Variants in FMN2 observed in about 807,000 individuals in gnomAD.
FMN2 encodes formin 2.
A neutral mutation model predicts 142.3 loss-of-function variants in FMN2; 51 were observed. The ratio of observed to expected loss-of-function variants is 0.36; its 90% CI spans 0.29 to 0.45. FMN2 has a LOEUF of 0.45. FMN2 is among the 20% of genes least tolerant of loss of function. The pLI is 1.00. For synonymous variants in FMN2, 882 were observed against 869.8 expected, an observed-to-expected ratio of 1.01 and a Z score of -0.25; for missense variants, 1,936 against 2,122.8, an observed-to-expected ratio of 0.91 and a Z score of 1.73.
intron 14 of FMN2, among the ~76,000 whole-genome samples, chr1:240,372,857 A>C (rs1233316975): frequency 3.3e-5 from 5 of 152,108 alleles, no homozygotes; most frequent in Admixed American, 6.5e-5. Flanking sequence ...ACATTTAAAA[A>C]CTACGTACAT....
chr1:240,439,270 CAA>C (rs58234038), intron 16 of FMN2, among the ~76,000 whole-genome samples: 2 of 101,248 alleles, frequency 2.0e-5, no homozygotes, highest in African/African-American at 4.5e-5. Context: ...AAGGCTGTCT[CAA>C]AAAAAAAAAA....
rs11417639 is a variant in FMN2, at chr1:240,416,262, C to CTTTTTTT, written c.4911-21789_4911-21783dup. ...CTTGCCTGTACATTCCCTTTCCACT[C>CTTTTTTT]TTTTTTTTTTTTTTTTGAGACGGAG... On this transcript the variant is annotated intron_variant, in intron 15 of 17. Transcript: ENST00000319653. Among the ~76,000 whole-genome samples, 4 of 135,146 alleles carry CTTTTTTT rather than the reference C, an allele frequency of 3.0e-5. 1 individual carries two copies. The highest frequency in any genetic ancestry group is 2.3e-4 in the South Asian group (1 of 4,378). The allele number at this position is 135,146 out of a possible 152,430, so 88.7% of individuals were successfully genotyped here.
At position 240,328,147 on chromosome 1, in the gene FMN2, C is replaced by CAAA. The variant is rs780595882; in HGVS notation, c.4216-906_4216-904dup. On this transcript the variant is annotated intron_variant, in intron 8 of 17. Coordinates refer to ENST00000319653, the MANE Select transcript of FMN2 (RefSeq NM_020066.5). ...TGGGTGACGGAGCAAGACCCCATCT[C>CAAA]AAAAAAAAAAAAAAAAAAAAAAAAA... Among the ~76,000 whole-genome samples, 260 of 51,366 alleles carry CAAA rather than the reference C, an allele frequency of 5.1e-3. 8 individuals carry two copies. The highest frequency in any genetic ancestry group is 0.013 in the African/African-American group (168 of 13,300). The allele number at this position is 51,366 out of a possible 152,430, so 33.7% of individuals were successfully genotyped here.
chr1:240,245,816 CAGGGCAT>C (rs757699386), intron 6 of FMN2, among the ~76,000 whole-genome samples: 5 of 152,194 alleles, frequency 3.3e-5, no homozygotes, highest in Non-Finnish European at 7.3e-5. Context: ...GCTTCACCCT[CAGGGCAT>C]AGTATAACTG....
chr1:240,105,090 GTTTATGCTTCTTTTTTTTTT>G (rs1661554195), intron 1 of FMN2, among the ~76,000 whole-genome samples: 1 of 134,860 alleles, frequency 7.4e-6, no homozygotes, highest in African/African-American at 2.7e-5. Context: ...TGCTTTCCTA[GTTTATGCTTCTTTTTTTTTT>G]TTTTTTTTTT....
At position 240,334,160 on chromosome 1, in the gene FMN2, T is replaced by A; in HGVS notation, c.4696T>A (p.Phe1566Ile). 6.2e-7 allele frequency: 1 copy of A among 1,609,670 alleles called. No homozygotes were observed. The change falls in exon 13 of 18, where the codon TTT becomes ATT. Residue 1566 changes from phenylalanine (F) to isoleucine (I), a missense_variant. Physicochemically the swap from Phe to Ile is conservative, Grantham distance 21. Coordinates refer to ENST00000319653, the MANE Select transcript of FMN2 (RefSeq NM_020066.5). ...TCCACTGCCAGAACCCCAGGACCTT[T>A]TTCAGGCCTCACAGATGAAGTTTGA... Reference protein sequence around the residue: ...LFPLPEPQDLFQASQMKFEDF... With the variant: ...LFPLPEPQDLIQASQMKFEDF...
At position 240,183,570 on chromosome 1, in the gene FMN2, C is replaced by T. The variant is rs138115121; in HGVS notation, c.1931-4637C>T. Among the ~76,000 whole-genome samples, 1,402 of 150,996 alleles carry T rather than the reference C, an allele frequency of 9.3e-3. 8 individuals are homozygous for T. Among genetic ancestry groups the T allele is most frequent in the Non-Finnish European group, 0.014 (920 of 67,820 alleles). ...ATACATACATGTATATATACACACA[C>T]ACATGCCTACATATAGTTTTCATAA... On this transcript the variant is annotated intron_variant, in intron 3 of 17. Coordinates refer to ENST00000319653, the MANE Select transcript of FMN2 (RefSeq NM_020066.5).
chr1:240,407,024 C>G (rs1674230742), intron 15 of FMN2, among the ~76,000 whole-genome samples: 1 of 152,146 alleles, frequency 6.6e-6, no homozygotes, highest in African/African-American at 2.4e-5. Context: ...GCATGCATCA[C>G]ATGTGGGTAA....
intron 2 of FMN2, among the ~76,000 whole-genome samples, chr1:240,177,049 GTTC>G (rs1245467774): frequency 2.6e-4 from 39 of 152,268 alleles, no homozygotes; most frequent in African/African-American, 6.7e-4. Context: ...CCACCATACT[GTTC>G]TTCTCTTTGC....
At chr1:240,300,861 ATAGCTATTCTATT>A (rs1670173581) in intron 8 of FMN2, among the ~76,000 whole-genome samples, 1 of 147,398 alleles carries the variant, frequency 6.8e-6, no homozygotes, top group Non-Finnish European at 1.5e-5. Context: ...TGATATTTAA[ATAGCTATTCTATT>A]CTTTTGATAC....
intron 15 of FMN2, among the ~76,000 whole-genome samples, chr1:240,412,859 T>G (rs1448388074): frequency 6.6e-6 from 1 of 151,970 alleles, no homozygotes; most frequent in Non-Finnish European, 1.5e-5. Context: ...CGGTGGCTCA[T>G]GCCTGTAAAT....
At chr1:240,145,209 G>C in intron 2 of FMN2, 3 of 1,429,870 alleles carry the variant, frequency 2.1e-6, no homozygotes, top group Non-Finnish European at 2.9e-6. Context: ...AGCATCTCCA[G>C]TTCATCTTGA....
rs200439578 is a variant in FMN2, at chr1:240,207,054, C to T, written c.2242C>T (p.Pro748Ser). 36 of 1,613,978 alleles carry T rather than the reference C, an allele frequency of 2.2e-5. No individual in the cohort carries two copies. In the East Asian group the frequency reaches 7.4e-4, roughly 33 times the overall value. Residue 748 changes from proline to serine, a missense_variant, in exon 5 of 18, where the codon CCC becomes TCC. This residue lies in a region of FMN2 where 478 missense variants were observed against 462.8 expected (regional missense o/e 1.03). Coordinates refer to ENST00000319653, the MANE Select transcript of FMN2 (RefSeq NM_020066.5). The stretch of plus-strand genomic sequence containing the variant: ...AGAGGCGAAATCGATACAGACTTCC[C>T]CCACGGAAGAGGGCGGGGTGCTGAC... ...ILEAKSIQTS[P>S]TEEGGVLTLP...
At chr1:240,105,284 T>G (rs773866609) in intron 1 of FMN2, among the ~76,000 whole-genome samples, 1 of 151,818 alleles carries the variant, frequency 6.6e-6, no homozygotes, top group Non-Finnish European at 1.5e-5. Flanking sequence ...AATTTTTGTA[T>G]CTTTGGTAGA....
At chr1:240,303,679 C>T (rs1278283197) in intron 8 of FMN2, among the ~76,000 whole-genome samples, 3 of 152,088 alleles carry the variant, frequency 2.0e-5, no homozygotes, top group Non-Finnish European at 4.4e-5. Flanking sequence ...CATTAAGCTT[C>T]TTGGATGTTT....
At position 240,092,159 on chromosome 1, in the gene FMN2, A is replaced by C. The variant is rs1411741482; in HGVS notation, c.50A>C (p.His17Pro). Reference sequence around the variant, plus strand: ...AAGAGGAGCGCAGGTGATGCTTTGCACGAAGGCGGCGGTGGCGCCGAGGAT... The same window carrying C: ...AAGAGGAGCGCAGGTGATGCTTTGCCCGAAGGCGGCGGTGGCGCCGAGGAT... ...KLKRSAGDAL[H>P]EGGGGAEDAL... Residue 17 changes from histidine to proline, a missense_variant, in exon 1 of 18, where the codon CAC becomes CCC. By Grantham distance (77) the His-to-Pro change is moderately conservative (BLOSUM62 -2). Coordinates refer to ENST00000319653, the MANE Select transcript of FMN2 (RefSeq NM_020066.5). The C allele has an allele frequency of 6.4e-7, 1 of 1,573,720 alleles. No homozygotes were observed. The highest frequency in any genetic ancestry group is 2.3e-5 in the East Asian group (1 of 43,320).
chr1:240,361,427 G>C (rs1672478209), intron 14 of FMN2, among the ~76,000 whole-genome samples: 1 of 151,984 alleles, frequency 6.6e-6, no homozygotes, highest in African/African-American at 2.4e-5. Context: ...TTATAAGATC[G>C]TTATGGTACG....
At chr1:240,295,879 G>A (rs7529915) in intron 8 of FMN2, among the ~76,000 whole-genome samples, 31,442 of 152,066 alleles carry the variant, frequency 0.21, 3,508 homozygotes, top group Admixed American at 0.33. Context: ...CATTCCCATC[G>A]ACAGTGTGCC....
intron 7 of FMN2, among the ~76,000 whole-genome samples, chr1:240,289,271 C>A (rs1016731373): frequency 3.7e-4 from 57 of 152,220 alleles, no homozygotes; most frequent in African/African-American, 1.3e-3. Flanking sequence ...CCTGTCTCAT[C>A]CAACAGATCC....
Sources: gnomAD v4.1 joint callset for allele counts (sites outside exome capture counted in the v4.1 genomes callset) on GRCh38, gnomAD v4.1.1 for gene constraint, gnomAD v4.1.1 regional missense constraint, MANE v1.5 for transcripts, NCBI Gene and HGNC (gene_info 2026-07-23, HGNC 2026-07-21) for gene names.